PCDHGB3: variants seen among roughly 807,000 people sequenced by gnomAD.
PCDHGB3 encodes the protein protocadherin gamma subfamily B, 3, also known as protocadherin gamma-B3.
Under a neutral mutation model 59.2 loss-of-function variants are expected in PCDHGB3, and 40 were observed. The ratio of observed to expected loss-of-function variants is 0.68; its 90% CI spans 0.52 to 0.88. The LOEUF (loss-of-function observed/expected upper bound fraction) is 0.88, where lower values mean the gene tolerates loss of function less well. Among genes scored for constraint, PCDHGB3 ranks in the 40% least tolerant of loss-of-function variants. The probability of loss-of-function intolerance (pLI) is 0.00; values close to 1 mark genes in which losing one functional copy is unlikely to be tolerated. For synonymous variants in PCDHGB3, 581 were observed against 503.6 expected (o/e 1.15, Z -2.06); for missense variants, 1,309 against 1,187.9 (o/e 1.10, Z -1.50).
Position 141,477,143 on chromosome 5 carries a change from G to A in PCDHGB3, c.2416-17664G>A. Reference sequence around the variant, plus strand: ...ACATTGCAAAGTGTTGGTGGAGGTTGTGGATGTGAATGACAACGCCCCGGA... The same window carrying A: ...ACATTGCAAAGTGTTGGTGGAGGTTATGGATGTGAATGACAACGCCCCGGA... On this transcript the variant is annotated intron_variant, in intron 1 of 3. Transcript: ENST00000576222. This position sits in a 1 kb window ranked among gnomAD's most constrained non-coding sequence, Gnocchi z 4.9. 6.2e-7 allele frequency: 1 copy of A among 1,614,198 alleles called. No individual in the cohort carries two copies. Among genetic ancestry groups the A allele is most frequent in the Non-Finnish European group, 8.5e-7 (1 of 1,180,036 alleles).
intron 1 of PCDHGB3, chr5:141,423,640 T>C: frequency 6.3e-7 from 1 of 1,597,848 alleles, no homozygotes; most frequent in Non-Finnish European, 8.5e-7. Flanking sequence ...TTTAGGCAAA[T>C]GTGACCCGAC....
At chr5:141,410,338 C>T (rs1050053577) in intron 1 of PCDHGB3, 35 of 1,613,900 alleles carry the variant, frequency 2.2e-5, no homozygotes, top group Non-Finnish European at 2.2e-5. Context: ...TGGCCATTGC[C>T]TTGCGCCTGC....
Position 141,491,329 on chromosome 5 carries a change from G to A in PCDHGB3, c.2416-3478G>A. The A allele has an allele frequency of 6.2e-7, 1 of 1,614,142 alleles. No individual in the cohort carries two copies. Among genetic ancestry groups the A allele is most frequent in the Non-Finnish European group, 8.5e-7 (1 of 1,180,022 alleles). On this transcript the variant is annotated intron_variant, in intron 1 of 3. Coordinates refer to ENST00000576222, the MANE Select transcript of PCDHGB3 (RefSeq NM_018924.5). The surrounding 1 kb of genome is among the most constrained non-coding windows in gnomAD (Gnocchi z 6.9). ...AGACCTTACCCTTTACCTCATTGTG[G>A]CTCTAGCGACCGTCAGTCTCTTATC...
intron 1 of PCDHGB3, among the ~76,000 whole-genome samples, chr5:141,465,779 GT>G (rs879859429): frequency 5.2e-4 from 76 of 145,138 alleles, no homozygotes; most frequent in South Asian, 1.1e-3. Flanking sequence ...TCTTGTTACA[GT>G]TTTTTTTTTT....
chr5:141,426,439 G>A, intron 1 of PCDHGB3: 1 of 302,400 alleles, frequency 3.3e-6, no homozygotes, highest in Non-Finnish European at 6.5e-6. Flanking sequence ...GAACCTTGCG[G>A]AGGACATGCG....
At position 141,477,742 on chromosome 5, in the gene PCDHGB3, G is replaced by C; in HGVS notation, c.2416-17065G>C. 2 of 1,613,800 alleles carry C rather than the reference G, an allele frequency of 1.2e-6. No individual in the cohort carries two copies. Among genetic ancestry groups the C allele is most frequent in the Non-Finnish European group, 1.7e-6 (2 of 1,180,030 alleles). ...AATTAACAGCTCATATCAGCGATGG[G>C]GGCACCCCGGTCCTAGCCACCAACA... On this transcript the variant is annotated intron_variant, in intron 1 of 3. Coordinates refer to ENST00000576222, the MANE Select transcript of PCDHGB3 (RefSeq NM_018924.5). The surrounding 1 kb of genome is among the most constrained non-coding windows in gnomAD (Gnocchi z 4.9).
At position 141,383,504 on chromosome 5, in the gene PCDHGB3, G is replaced by C. The variant is rs373658496; in HGVS notation, c.2415+10695G>C. ...CTGGTGCTGGAGCGGGTGCTGGACC[G>C]GGAGGAAGAGCGGGTTCACCACCTG... On this transcript the variant is annotated intron_variant, in intron 1 of 3. Coordinates refer to ENST00000576222, the MANE Select transcript of PCDHGB3 (RefSeq NM_018924.5). The C allele has an allele frequency of 1.9e-5, 30 of 1,612,648 alleles. No individual in the cohort carries two copies. The East Asian group carries it at 3.6e-4, about 19-fold the overall frequency.
intron 1 of PCDHGB3, chr5:141,409,182 T>C: frequency 6.2e-7 from 1 of 1,614,006 alleles, no homozygotes; most frequent in East Asian, 2.2e-5. Context: ...GGAGGTGGTC[T>C]CTCTACCCAG....
intron 2 of PCDHGB3, among the ~76,000 whole-genome samples, chr5:141,500,508 C>T (rs2099801020): frequency 6.6e-6 from 1 of 152,078 alleles, no homozygotes; most frequent in African/African-American, 2.4e-5. Context: ...CGCGCCTGGC[C>T]GAGCTTCATT....
chr5:141,457,504 A>G (rs2098922754), intron 1 of PCDHGB3, among the ~76,000 whole-genome samples: 1 of 152,222 alleles, frequency 6.6e-6, no homozygotes, highest in Non-Finnish European at 1.5e-5. Context: ...GTAGGCAAAA[A>G]GCTTAAAAAC....
In PCDHGB3 at chr5:141,432,921, A is replaced by G; in HGVS notation, c.2415+60112A>G. On this transcript the variant is annotated intron_variant, in intron 1 of 3. Transcript: ENST00000576222. The surrounding 1 kb of genome is among the most constrained non-coding windows in gnomAD (Gnocchi z 6.0). ...GCGCTCAGGCTGCGGCGCTGGCACAAGTCACGCCTGCTGCAGGCTTCAGGA... is the reference window on the plus strand; with the variant it reads ...GCGCTCAGGCTGCGGCGCTGGCACAGGTCACGCCTGCTGCAGGCTTCAGGA... 6.2e-7 allele frequency: 1 copy of G among 1,614,114 alleles called. No individual in the cohort carries two copies. The highest frequency in any genetic ancestry group is 1.7e-4 in the Middle Eastern group (1 of 6,060).
intron 1 of PCDHGB3, among the ~76,000 whole-genome samples, chr5:141,438,517 T>G (rs975190211): frequency 6.7e-6 from 1 of 148,384 alleles, no homozygotes; most frequent in Non-Finnish European, 1.5e-5. Context: ...AAACCAATTA[T>G]TTTACATGGA....
In PCDHGB3 at chr5:141,427,233, G is replaced by A. The variant is rs147039909; in HGVS notation, c.2415+54424G>A. On this transcript the variant is annotated intron_variant, in intron 1 of 3. Transcript: ENST00000576222. Reference sequence around the variant, plus strand: ...ATTTCGTAGCAGTTATACCATGAGAGTAGAAGCTAAGGATGGTGGAGGCAT... The same window carrying A: ...ATTTCGTAGCAGTTATACCATGAGAATAGAAGCTAAGGATGGTGGAGGCAT... 180 of 456,756 alleles carry A rather than the reference G, an allele frequency of 3.9e-4. 1 individual carries two copies. The highest frequency in any genetic ancestry group is 3.5e-3 in the African/African-American group (176 of 50,196). The allele number at this position is 456,756 out of a possible 1,614,324, so 28.3% of individuals were successfully genotyped here.
At chr5:141,413,462 G>A (rs750915907) in intron 1 of PCDHGB3, 4 of 1,614,120 alleles carry the variant, frequency 2.5e-6, no homozygotes, top group East Asian at 2.2e-5. Flanking sequence ...AGGATAGACC[G>A]GGAGGAGCTC....
intron 1 of PCDHGB3, chr5:141,419,895 C>G (rs1209315374): frequency 6.2e-7 from 1 of 1,613,916 alleles, no homozygotes; most frequent in Non-Finnish European, 8.5e-7. Context: ...AGCGACCATC[C>G]CACACCCTCT....
At chr5:141,415,904 C>T in intron 1 of PCDHGB3, 1 of 833,428 alleles carries the variant, frequency 1.2e-6, no homozygotes, top group Non-Finnish European at 1.6e-6. Context: ...AGACAGACTT[C>T]CATACAGAAG....
chr5:141,465,777 C>G (rs2099109055), intron 1 of PCDHGB3, among the ~76,000 whole-genome samples: 2 of 151,768 alleles, frequency 1.3e-5, no homozygotes, highest in African/African-American at 2.4e-5. Flanking sequence ...TCTCTTGTTA[C>G]AGTTTTTTTT....
intron 1 of PCDHGB3, among the ~76,000 whole-genome samples, chr5:141,464,983 C>G (rs1294132264): frequency 6.6e-6 from 1 of 152,050 alleles, no homozygotes; most frequent in African/African-American, 2.4e-5. Flanking sequence ...TTCAAGTGAT[C>G]CTCCCACCTC....
In PCDHGB3 at chr5:141,485,580, A is replaced by C. The variant is rs761157560; in HGVS notation, c.2416-9227A>C. The C allele has an allele frequency of 6.2e-7, 1 of 1,612,610 alleles. No homozygotes were observed. The highest frequency in any genetic ancestry group is 2.2e-5 in the East Asian group (1 of 44,850). ...GATCACGCCCCCCGTTTTCCGCGGCAGCAGCTGGACTTGGAAATTGGGGAG... is the reference window on the plus strand; with the variant it reads ...GATCACGCCCCCCGTTTTCCGCGGCCGCAGCTGGACTTGGAAATTGGGGAG... On this transcript the variant is annotated intron_variant, in intron 1 of 3. Transcript: ENST00000576222. The surrounding 1 kb of genome is among the most constrained non-coding windows in gnomAD (Gnocchi z 5.7).
Sources: gnomAD v4.1 joint callset for allele counts (sites outside exome capture counted in the v4.1 genomes callset) on GRCh38, gnomAD v4.1.1 for gene constraint, Gnocchi (gnomAD v3.1) non-coding constraint, MANE v1.5 for transcripts, NCBI Gene and HGNC (gene_info 2026-07-23, HGNC 2026-07-21) for gene names.